The following WTIP variants were observed in gnomAD, a reference collection of about 807,000 sequenced individuals.
The protein encoded by WTIP is Wilms tumor protein 1-interacting protein.
Under a neutral mutation model 41.7 loss-of-function variants are expected in WTIP, and 23 were observed. The ratio of observed to expected loss-of-function variants is 0.55; its 90% CI spans 0.40 to 0.78. The LOEUF (loss-of-function observed/expected upper bound fraction) is 0.78, where lower values mean the gene tolerates loss of function less well. Ranked by LOEUF, WTIP falls within the 30% of genes least tolerant of loss-of-function variation. The pLI is 0.00. For synonymous variants in WTIP, 314 were observed against 269.9 expected (o/e 1.16, Z -1.60); for missense variants, 619 against 610.5 (o/e 1.01, Z -0.15).
rs1467809760 is a variant in WTIP, at chr19:34,500,314, A to G, written c.*45A>G. 1.7e-5 allele frequency: 26 copies of G among 1,519,446 alleles called. No individual in the cohort carries two copies. The highest frequency in any genetic ancestry group is 2.2e-5 in the Non-Finnish European group (25 of 1,131,414). The allele number at this position is 1,519,446 out of a possible 1,614,324, so 94.1% of individuals were successfully genotyped here. A position where few individuals can be genotyped will look rare whatever the true frequency, so the allele number is the denominator to read the frequency against. ...TGGGCCGGGGTGGGTGTGGGTGTGG[A>G]GGGAGGGCCCGCGTGGGTGGCCCTG... On this transcript the variant is annotated 3_prime_UTR_variant, in exon 8 of 8. Transcript: ENST00000590071.
chr19:34,491,934 G>A (rs552334149), intron 2 of WTIP, among the ~76,000 whole-genome samples: 6 of 152,154 alleles, frequency 3.9e-5, no homozygotes, highest in African/African-American at 1.4e-4. Flanking sequence ...GTGAGCCACC[G>A]CGCCTGGCCC....
rs1329815655 is a variant in WTIP at position 34,481,915 on chromosome 19, G to A, written c.-60G>A. On this transcript the variant is annotated 5_prime_UTR_variant, in exon 1 of 8. Transcript: ENST00000590071. ...TTCGGGCGGACGATGCGGCGGCCCG[G>A]CCGGAGCGGCGGCGGGAAGCGGAGG... 4 of 956,402 alleles carry A rather than the reference G, an allele frequency of 4.2e-6. No homozygotes were observed. Among genetic ancestry groups the A allele is most frequent in the Non-Finnish European group, 3.7e-6 (3 of 804,244 alleles). 59.2% of individuals were successfully genotyped at this position (956,402 alleles called of 1,614,324 possible). A position where few individuals can be genotyped will look rare whatever the true frequency, so the allele number is the denominator to read the frequency against.
Position 34,493,710 on chromosome 19 carries a change from C to T in WTIP, c.1031+88C>T, listed in dbSNP as rs533277611. The stretch of plus-strand genomic sequence containing the variant: ...CATTTTTTTCCTGCTGGACTGACTG[C>T]CCTTTGTTCTTGGCCTTTTGCCTTC... On this transcript the variant is annotated intron_variant, in intron 5 of 7. Transcript: ENST00000590071. This position sits in a 1 kb window ranked among gnomAD's most constrained non-coding sequence, Gnocchi z 4.1. 1.7e-5 allele frequency: 27 copies of T among 1,569,008 alleles called. No individual in the cohort carries two copies. Among genetic ancestry groups the T allele is most frequent in the South Asian group, 1.2e-4 (10 of 86,628 alleles).
intron 7 of WTIP, among the ~76,000 whole-genome samples, chr19:34,497,772 C>T (rs2075862612): frequency 1.3e-5 from 2 of 152,232 alleles, no homozygotes; most frequent in African/African-American, 2.4e-5. Context: ...TCAGGGTACC[C>T]AGGAGGGAGG....
intron 6 of WTIP, 58 bp from the exon 7 acceptor site, chr19:34,495,645 G>A (rs1287117418): frequency 1.5e-5 from 24 of 1,589,286 alleles, no homozygotes; most frequent in African/African-American, 9.4e-5. Flanking sequence ...GTACACTCAC[G>A]CAGTTTGCCT....
rs2075772255 is a variant in WTIP at position 34,482,382 on chromosome 19, G to A, written c.408G>A (p.Ser136=). The change falls in exon 1 of 8, where the codon TCG becomes TCA. Residue 136 remains serine, a synonymous_variant. Transcript: ENST00000590071. ...CGCGTCCCGGTCCCGGGCCGCCTTC[G>A]GTGGGCAGCGCCCGCTCCAGCGTTT... ...SDPRPGPGPP[S]VGSARSSVSS... 1 of 1,367,982 alleles carries A rather than the reference G, an allele frequency of 7.3e-7. No individual in the cohort carries two copies. Among genetic ancestry groups the A allele is most frequent in the Non-Finnish European group, 9.5e-7 (1 of 1,058,136 alleles). The allele number at this position is 1,367,982 out of a possible 1,614,324, so 84.7% of individuals were successfully genotyped here. A position where few individuals can be genotyped will look rare whatever the true frequency, so the allele number is the denominator to read the frequency against.
intron 7 of WTIP, 132 bp from the exon 8 acceptor site, chr19:34,499,997 G>A (rs966436870): frequency 3.0e-6 from 4 of 1,329,268 alleles, no homozygotes; most frequent in Non-Finnish European, 3.0e-6. Flanking sequence ...CCCTGCGCCC[G>A]GCGGAAGAGT....
intron 1 of WTIP, among the ~76,000 whole-genome samples, chr19:34,483,920 T>TC (rs1240598238): frequency 3.5e-5 from 4 of 113,262 alleles, no homozygotes; most frequent in African/African-American, 1.5e-4. Context: ...ACTGGATCTT[T>TC]TTTTTTTTTT....
chr19:34,488,487 T>C (rs565409708), intron 1 of WTIP, among the ~76,000 whole-genome samples: 2 of 152,254 alleles, frequency 1.3e-5, no homozygotes, highest in South Asian at 2.1e-4. Context: ...TGCCTCAGAC[T>C]CCTGAGTAAC....
intron 7 of WTIP, among the ~76,000 whole-genome samples, chr19:34,498,343 C>T (rs1005729350): frequency 2.6e-5 from 4 of 152,180 alleles, no homozygotes; most frequent in African/African-American, 9.7e-5. Flanking sequence ...CCAGGGACCC[C>T]TGTGTGGTGG....
chr19:34,486,840 G>A (rs990624833), intron 1 of WTIP, among the ~76,000 whole-genome samples: 8 of 152,096 alleles, frequency 5.3e-5, no homozygotes, highest in South Asian at 2.1e-4. Flanking sequence ...CTCTCCTGCC[G>A]TCTGAGAGGA....
intron 2 of WTIP, among the ~76,000 whole-genome samples, chr19:34,491,424 A>G (rs553602016): frequency 2.0e-5 from 3 of 152,072 alleles, no homozygotes; most frequent in African/African-American, 7.2e-5. Flanking sequence ...CCCTGGTTCA[A>G]GCGATTCTTC....
At chr19:34,490,205 C>T (rs943593734) in intron 1 of WTIP, among the ~76,000 whole-genome samples, 171 bp from the exon 2 acceptor site, 1 of 152,164 alleles carries the variant, frequency 6.6e-6, no homozygotes, top group Non-Finnish European at 1.5e-5. Context: ...ATCCCTGGGT[C>T]GTGGCCACCC....
At chr19:34,495,821 C>G in intron 7 of WTIP, 50 bp downstream of exon 7, 3 of 1,576,604 alleles carry the variant, frequency 1.9e-6, no homozygotes, top group Non-Finnish European at 2.6e-6. Context: ...CCTCCTCCCA[C>G]AGGGCTCTCC....
In WTIP at chr19:34,482,475, G is replaced by A; in HGVS notation, c.501G>A (p.Ala167=). 1.6e-6 allele frequency: 2 copies of A among 1,250,124 alleles called. No homozygotes were observed. The highest frequency in any genetic ancestry group is 2.0e-6 in the Non-Finnish European group (2 of 1,000,986). The allele number at this position is 1,250,124 out of a possible 1,614,324, so 77.4% of individuals were successfully genotyped here. The change falls in exon 1 of 8, where the codon GCG becomes GCA. Residue 167 remains alanine, a synonymous_variant. Coordinates refer to ENST00000590071, the MANE Select transcript of WTIP (RefSeq NM_001080436.2). ...TCCTCCCGCCCGGCGCCTGCCCCGC[G>A]CCCGCTCGCTCCCCGGAGCCTGCGG... ...ADFLPPGACP[A]PARSPEPAGP... is the part of the protein sequence containing the mutation.
At chr19:34,496,306 C>T (rs1201520288) in intron 7 of WTIP, among the ~76,000 whole-genome samples, 2 of 152,202 alleles carry the variant, frequency 1.3e-5, no homozygotes, top group Non-Finnish European at 2.9e-5. Flanking sequence ...GAGTAGCTAT[C>T]ACCACAGGCT....
chr19:34,482,071 G>T lies in WTIP; in HGVS notation c.97G>T (p.Gly33Trp). Residue 33 changes from glycine (G) to tryptophan (W), a missense_variant, in exon 1 of 8, where the codon GGG becomes TGG. Physicochemically the swap from Gly to Trp is radical, Grantham distance 184. Transcript: ENST00000590071. ...LEPGCGSPGR[G>W]RRGPRPGPGD... is the part of the protein sequence containing the mutation. ...GCCCGGGTGCGGCTCTCCCGGTCGG[G>T]GGCGGCGGGGGCCGCGGCCTGGGCC... is the stretch of plus-strand genomic sequence containing the variant. 9.7e-7 allele frequency: 1 copy of T among 1,035,502 alleles called. No individual in the cohort carries two copies. Among genetic ancestry groups the T allele is most frequent in the Non-Finnish European group, 1.2e-6 (1 of 863,792 alleles). The allele number at this position is 1,035,502 out of a possible 1,614,324, so 64.1% of individuals were successfully genotyped here.
At chr19:34,485,491 C>G (rs1166907500) in intron 1 of WTIP, among the ~76,000 whole-genome samples, 1 of 152,100 alleles carries the variant, frequency 6.6e-6, no homozygotes, top group Admixed American at 6.6e-5. Context: ...AGAGTTCAAC[C>G]AGAATAATAC....
At chr19:34,497,390 CGTT>C (rs1232685739) in intron 7 of WTIP, among the ~76,000 whole-genome samples, 1 of 152,126 alleles carries the variant, frequency 6.6e-6, no homozygotes, top group Non-Finnish European at 1.5e-5. Context: ...CTGTTGCTCT[CGTT>C]GTTAAAGGTG....
Sources: allele counts gnomAD v4.1 joint callset (sites outside exome capture counted in the v4.1 genomes callset), GRCh38; gene constraint gnomAD v4.1.1; non-coding constraint Gnocchi (gnomAD v3.1); transcripts MANE v1.5; gene names NCBI Gene and HGNC (gene_info 2026-07-23, HGNC 2026-07-21).